Variants in CTXND2 observed in about 807,000 individuals in gnomAD.
CTXND2 encodes cortexin domain containing 2.
chr1:150,893,283 T>G (rs1027862658), intron 1 of CTXND2, among the ~76,000 whole-genome samples: 4 of 152,332 alleles, frequency 2.6e-5, no homozygotes, highest in African/African-American at 9.6e-5. Flanking sequence ...CTGTGAATAG[T>G]AAACTTTTGT....
At chr1:150,891,211 C>A (rs587677929) in intron 1 of CTXND2, among the ~76,000 whole-genome samples, 130 of 148,256 alleles carry the variant, frequency 8.8e-4, no homozygotes, top group African/African-American at 2.7e-3. Context: ...TCTTTTCTTT[C>A]TTTTTTTTTT....
intron 1 of CTXND2, among the ~76,000 whole-genome samples, chr1:150,908,093 C>G (rs1238124935): frequency 6.6e-6 from 1 of 151,530 alleles, no homozygotes; most frequent in African/African-American, 2.4e-5. Context: ...ACTGCAGCCT[C>G]CCAGGCTCAG....
intron 1 of CTXND2, among the ~76,000 whole-genome samples, chr1:150,906,141 A>G (rs1481601217): frequency 6.6e-6 from 1 of 151,352 alleles, no homozygotes; most frequent in African/African-American, 2.4e-5. Flanking sequence ...TCTACAAAAA[A>G]TTTAAAAATC....
intron 1 of CTXND2, among the ~76,000 whole-genome samples, chr1:150,889,902 C>T (rs1364147776): frequency 6.6e-6 from 1 of 152,096 alleles, no homozygotes; most frequent in South Asian, 2.1e-4. Context: ...CTAGAGCTTA[C>T]ATTCTAGTTA....
chr1:150,892,342 ACCC>A (rs1668861232), intron 1 of CTXND2, among the ~76,000 whole-genome samples: 1 of 151,968 alleles, frequency 6.6e-6, no homozygotes, highest in African/African-American at 2.4e-5. Context: ...GACCAACAAT[ACCC>A]ACTGTGTTAT....
chr1:150,898,856 T>C (rs1668950258), intron 1 of CTXND2, among the ~76,000 whole-genome samples: 1 of 148,370 alleles, frequency 6.7e-6, no homozygotes, highest in South Asian at 2.1e-4. Flanking sequence ...GGCGGGCGGA[T>C]CACGAGGTCA....
At chr1:150,892,108 C>T (rs2102593998) in intron 1 of CTXND2, among the ~76,000 whole-genome samples, 1 of 152,216 alleles carries the variant, frequency 6.6e-6, no homozygotes, top group African/African-American at 2.4e-5. Context: ...AATATTCAGG[C>T]TGAATAAGTC....
At chr1:150,891,140 A>G (rs1197933117) in intron 1 of CTXND2, among the ~76,000 whole-genome samples, 2 of 152,204 alleles carry the variant, frequency 1.3e-5, no homozygotes, top group African/African-American at 4.8e-5. Context: ...TCATATTGAT[A>G]GAAGAATATC....
intron 1 of CTXND2, among the ~76,000 whole-genome samples, chr1:150,889,973 A>G (rs1424866965): frequency 6.6e-6 from 1 of 152,012 alleles, no homozygotes; most frequent in Non-Finnish European, 1.5e-5. Flanking sequence ...TCTGCTCAAA[A>G]CCTTCCATTG....
chr1:150,910,353 C>T (rs748514720), intron 1 of CTXND2, among the ~76,000 whole-genome samples: 34 of 151,908 alleles, frequency 2.2e-4, no homozygotes, highest in Admixed American at 2.2e-3. Flanking sequence ...TGGTCTCAAA[C>T]TCCTGACCTC....
intron 1 of CTXND2, 37 bp downstream of exon 1, chr1:150,887,350 T>A (rs1668787810): frequency 6.6e-6 from 1 of 152,168 alleles, no homozygotes; most frequent in Non-Finnish European, 1.5e-5. Context: ...TGGTGGAGTT[T>A]TCACTGGGAG....
intron 1 of CTXND2, among the ~76,000 whole-genome samples, chr1:150,906,109 G>A (rs1669141492): frequency 1.3e-5 from 2 of 151,768 alleles, no homozygotes; most frequent in African/African-American, 4.8e-5. Flanking sequence ...AACCAGCCTG[G>A]GCATCATAGT....
chr1:150,910,057 A>G (rs892874708), intron 1 of CTXND2, among the ~76,000 whole-genome samples: 2 of 151,578 alleles, frequency 1.3e-5, no homozygotes, highest in Non-Finnish European at 2.9e-5. Flanking sequence ...AAGGAACTCA[A>G]CATAAAACAA....
intron 1 of CTXND2, among the ~76,000 whole-genome samples, chr1:150,889,743 C>G (rs1179278561): frequency 2.0e-5 from 3 of 152,050 alleles, no homozygotes; most frequent in Non-Finnish European, 2.9e-5. Context: ...ATTTACCTGC[C>G]TGAATTCAAC....
At chr1:150,909,984 G>A (rs778402134) in intron 1 of CTXND2, among the ~76,000 whole-genome samples, 3 of 152,126 alleles carry the variant, frequency 2.0e-5, no homozygotes, top group African/African-American at 7.2e-5. Flanking sequence ...AGGATGGGAT[G>A]ATCTGGTTGA....
intron 1 of CTXND2, among the ~76,000 whole-genome samples, chr1:150,907,740 C>T (rs1248382431): frequency 3.0e-5 from 4 of 135,076 alleles, no homozygotes; most frequent in African/African-American, 8.4e-5. Flanking sequence ...GACGGAGTCT[C>T]GCACTCTCAC....
At chr1:150,912,520 A>T (rs757727432) in exon 2 of CTXND2, 11 of 398,410 alleles carry the variant, frequency 2.8e-5, no homozygotes, top group Non-Finnish European at 4.9e-5. Flanking sequence ...CAAGCAAGAG[A>T]TTTGAAATCT....
exon 2 of CTXND2, chr1:150,912,541 C>T: frequency 2.5e-6 from 1 of 398,428 alleles, no homozygotes. Context: ...GTTATACACA[C>T]TTTATATTAT....
At chr1:150,894,067 C>T (rs1571597839) in intron 1 of CTXND2, among the ~76,000 whole-genome samples, 2 of 151,900 alleles carry the variant, frequency 1.3e-5, no homozygotes, top group African/African-American at 4.8e-5. Flanking sequence ...ATCCTCCTGT[C>T]TTGGCTAGTA....
Sources: allele counts gnomAD v4.1 joint callset (sites outside exome capture counted in the v4.1 genomes callset), GRCh38; gene constraint gnomAD v4.1.1; transcripts MANE v1.5; gene names NCBI Gene and HGNC (gene_info 2026-07-23, HGNC 2026-07-21).